Variants in THEMIS observed in about 807,000 individuals in gnomAD.
The protein encoded by THEMIS is thymocyte selection associated, also known as protein THEMIS.
Under a neutral mutation model 52.6 loss-of-function variants are expected in THEMIS, and 37 were observed. The observed-to-expected ratio is 0.70, with a 90% CI of 0.54 to 0.93. The LOEUF (loss-of-function observed/expected upper bound fraction) is 0.93, where lower values mean the gene tolerates loss of function less well. Among genes scored for constraint, THEMIS ranks in the 40% least tolerant of loss-of-function variants. The pLI, the probability that THEMIS is intolerant of heterozygous loss-of-function variation, is 0.00. For missense variants in THEMIS, 808 were observed against 763.1 expected, an observed-to-expected ratio of 1.06 and a Z score of -0.69; for synonymous variants, 292 against 272.7, an observed-to-expected ratio of 1.07 and a Z score of -0.70.
intron 4 of THEMIS, among the ~76,000 whole-genome samples, chr6:127,781,161 C>G (rs773631652): frequency 2.6e-5 from 4 of 151,774 alleles, no homozygotes; most frequent in Middle Eastern, 3.4e-3. Flanking sequence ...TCTCTGATAT[C>G]CTTTCTTCTG....
At chr6:127,833,611 C>A (rs1381190424) in intron 2 of THEMIS, among the ~76,000 whole-genome samples, 1 of 152,136 alleles carries the variant, frequency 6.6e-6, no homozygotes, top group Non-Finnish European at 1.5e-5. Flanking sequence ...CCAGCCAGCC[C>A]TCTCTTTACA....
intron 1 of THEMIS, among the ~76,000 whole-genome samples, chr6:127,883,346 A>G (rs1009647452): frequency 6.6e-6 from 1 of 151,790 alleles, no homozygotes; most frequent in Non-Finnish European, 1.5e-5. Flanking sequence ...AAAAATGCAA[A>G]TAATATTAAT....
At chr6:127,738,665 T>A (rs1475007588) in intron 4 of THEMIS, among the ~76,000 whole-genome samples, 2 of 152,170 alleles carry the variant, frequency 1.3e-5, no homozygotes, top group Non-Finnish European at 2.9e-5. Context: ...TTCAAGTCTG[T>A]CTGGCTAGAT....
At chr6:127,749,939 T>G (rs926462961) in intron 4 of THEMIS, among the ~76,000 whole-genome samples, 16 of 150,112 alleles carry the variant, frequency 1.1e-4, no homozygotes, top group African/African-American at 3.7e-4. Flanking sequence ...GCACTTTGCT[T>G]GATCTTTTCT....
intron 1 of THEMIS, among the ~76,000 whole-genome samples, chr6:127,898,246 A>G (rs1781031406): frequency 6.6e-6 from 1 of 151,610 alleles, no homozygotes; most frequent in Non-Finnish European, 1.5e-5. Context: ...TCTTAATTGA[A>G]GTAAAACATA....
intron 1 of THEMIS, among the ~76,000 whole-genome samples, chr6:127,898,551 T>C (rs534337604): frequency 6.6e-6 from 1 of 151,816 alleles, no homozygotes; most frequent in East Asian, 1.9e-4. Flanking sequence ...GATGGGAATG[T>C]GTATCAGTAC....
intron 4 of THEMIS, among the ~76,000 whole-genome samples, chr6:127,799,471 G>T (rs2114553645): frequency 6.6e-6 from 1 of 152,304 alleles, no homozygotes; most frequent in Admixed American, 6.5e-5. Context: ...GTAGATGGTG[G>T]TGGCATTTGC....
chr6:127,749,831 CT>C (rs1775573279), intron 4 of THEMIS, among the ~76,000 whole-genome samples: 1 of 151,280 alleles, frequency 6.6e-6, no homozygotes, highest in African/African-American at 2.4e-5. Context: ...TAGAGAATTA[CT>C]GCTAGCTCCA....
Position 127,866,949 on chromosome 6 carries a change from T to TTTA in THEMIS, c.92-11762_92-11761insTAA, listed in dbSNP as rs1554240958. On this transcript the variant is annotated intron_variant, in intron 1 of 5. Coordinates refer to ENST00000368248, the MANE Select transcript of THEMIS (RefSeq NM_001010923.3). ...AAGGCTACTAAGATTTTTATTTTTATTTTATTTATTTATTTATTTATTTAT... is the reference window on the plus strand; with the variant it reads ...AAGGCTACTAAGATTTTTATTTTTATTTATTTATTTATTTATTTATTTATTTAT... Among the ~76,000 whole-genome samples the TTTA allele has an allele frequency of 2.7e-5, 4 of 145,776 alleles. No individual in the cohort carries two copies. The East Asian group carries it at 8.1e-4, about 29-fold the overall frequency.
rs970140257 is a variant in THEMIS, at chr6:127,899,554, G to A, written c.91+1288C>T. 2.6e-5 allele frequency among the ~76,000 whole-genome samples: 4 copies of A among 152,014 alleles called. No individual in the cohort carries two copies. In the East Asian group the frequency reaches 7.7e-4, roughly 29 times the overall value. On this transcript the variant is annotated intron_variant, in intron 1 of 5. Transcript: ENST00000368248. Reference sequence around the variant, plus strand: ...ACCTGGAAATCAGGTGAACTGTATAGAGAAAACTAAAATTGGATCCCTGTA... The same window carrying A: ...ACCTGGAAATCAGGTGAACTGTATAAAGAAAACTAAAATTGGATCCCTGTA...
At chr6:127,785,610 G>T (rs147201091) in intron 4 of THEMIS, among the ~76,000 whole-genome samples, 98 of 151,662 alleles carry the variant, frequency 6.5e-4, no homozygotes, top group Non-Finnish European at 1.0e-3. Flanking sequence ...AAATATAATC[G>T]TTAAAATATC....
At chr6:127,873,671 T>C (rs1296617682) in intron 1 of THEMIS, among the ~76,000 whole-genome samples, 1 of 152,220 alleles carries the variant, frequency 6.6e-6, no homozygotes, top group African/African-American at 2.4e-5. Flanking sequence ...CAGTCAAAAA[T>C]CCATGTTACA....
At chr6:127,702,135 T>A in the THEMIS span, among the ~76,000 whole-genome samples, 1 of 152,150 alleles carries the variant, frequency 6.6e-6, no homozygotes, top group African/African-American at 2.4e-5. Context: ...AGAAGTTTTT[T>A]ATTCTTATTT....
intron 1 of THEMIS, among the ~76,000 whole-genome samples, chr6:127,876,010 C>G (rs1294980206): frequency 6.6e-6 from 1 of 152,146 alleles, no homozygotes; most frequent in African/African-American, 2.4e-5. Context: ...AATGTGTTAA[C>G]CGATTATCTG....
At chr6:127,879,524 C>T (rs1482056149) in intron 1 of THEMIS, among the ~76,000 whole-genome samples, 2 of 149,296 alleles carry the variant, frequency 1.3e-5, no homozygotes, top group African/African-American at 5.0e-5. Flanking sequence ...TTTTATTCTT[C>T]TCTTTATTGA....
At chr6:127,911,263 G>A (rs1781404183) in intron 1 of THEMIS, among the ~76,000 whole-genome samples, 1 of 151,194 alleles carries the variant, frequency 6.6e-6, no homozygotes, top group Admixed American at 6.6e-5. Flanking sequence ...TTAAAGGGGA[G>A]GAACTTACAC....
chr6:127,751,263 C>T (rs1469131017), intron 4 of THEMIS, among the ~76,000 whole-genome samples: 2 of 151,666 alleles, frequency 1.3e-5, no homozygotes, highest in East Asian at 1.9e-4. Context: ...TCTTTGTGAT[C>T]AAACTTCGTT....
chr6:127,740,294 G>T (rs1285327017), intron 4 of THEMIS, among the ~76,000 whole-genome samples: 2 of 152,120 alleles, frequency 1.3e-5, no homozygotes, highest in Non-Finnish European at 2.9e-5. Flanking sequence ...CATGAAGCAG[G>T]ACTCAAGATA....
At chr6:127,817,456 T>A (rs1180423921) in intron 3 of THEMIS, among the ~76,000 whole-genome samples, 1 of 152,218 alleles carries the variant, frequency 6.6e-6, no homozygotes, top group Admixed American at 6.5e-5. Flanking sequence ...TTCAATGCAA[T>A]AAATACTTGT....
Sources: allele counts gnomAD v4.1 joint callset (sites outside exome capture counted in the v4.1 genomes callset), GRCh38; gene constraint gnomAD v4.1.1; transcripts MANE v1.5; gene names NCBI Gene and HGNC (gene_info 2026-07-23, HGNC 2026-07-21).